Variants in LRP1B observed in about 807,000 individuals in gnomAD.
LRP1B encodes LDL receptor related protein 1B.
LRP1B carries 217 observed loss-of-function variants against 556.6 expected under a neutral mutation model. The ratio of observed to expected loss-of-function variants is 0.39; its 90% confidence interval spans 0.35 to 0.44. LRP1B has a LOEUF of 0.44. Ranked by LOEUF, LRP1B falls within the 20% of genes least tolerant of loss-of-function variation. LRP1B has a pLI of 1.00. For missense variants in LRP1B, 5,053 were observed against 5,620.8 expected, an observed-to-expected ratio of 0.90 and a Z score of 3.23; for synonymous variants, 2,047 against 1,865.8, an observed-to-expected ratio of 1.10 and a Z score of -2.50.
At chr2:141,444,133 A>T (rs1011332809) in intron 3 of LRP1B, among the ~76,000 whole-genome samples, 2 of 152,136 alleles carry the variant, frequency 1.3e-5, no homozygotes, top group African/African-American at 2.4e-5. Context: ...TTTTCCTTGA[A>T]GAAGTCCTTC....
intron 78 of LRP1B, among the ~76,000 whole-genome samples, 176 bp downstream of exon 78, chr2:140,335,436 TATC>T (rs756770608): frequency 9.9e-5 from 15 of 152,064 alleles, no homozygotes; most frequent in Non-Finnish European, 1.9e-4. Context: ...AAAAAATTTG[TATC>T]ATCATTTGGT....
chr2:141,695,067 T>G lies in LRP1B; in HGVS notation c.205+115212A>C, dbSNP rs115038044. 1.1e-3 allele frequency among the ~76,000 whole-genome samples: 165 copies of G among 152,188 alleles called. 1 individual carries two copies. The highest frequency in any genetic ancestry group is 3.9e-3 in the African/African-American group (161 of 41,562). Reference sequence around the variant, plus strand: ...CAGCATTGCCACATTGTGGAATGATTGTTCACATTGAACTTTTTAATTTGC... The same window carrying G: ...CAGCATTGCCACATTGTGGAATGATGGTTCACATTGAACTTTTTAATTTGC... On this transcript the variant is annotated intron_variant, in intron 2 of 90. Coordinates refer to ENST00000389484, the MANE Select transcript of LRP1B (RefSeq NM_018557.3).
intron 1 of LRP1B, among the ~76,000 whole-genome samples, chr2:141,869,921 T>C (rs894852528): frequency 6.6e-6 from 1 of 152,066 alleles, no homozygotes; most frequent in Non-Finnish European, 1.5e-5. Context: ...TAAATTTTAA[T>C]GAAAAAATGA....
chr2:140,623,833 C>T (rs1010657057), intron 41 of LRP1B, among the ~76,000 whole-genome samples: 3 of 151,612 alleles, frequency 2.0e-5, no homozygotes, highest in East Asian at 1.9e-4. Context: ...GCAGGAGAAT[C>T]GCTTGAGCCT....
intron 2 of LRP1B, among the ~76,000 whole-genome samples, chr2:141,576,747 C>T (rs1458685297): frequency 2.5e-5 from 3 of 117,994 alleles, no homozygotes; most frequent in East Asian, 2.2e-4. Context: ...GAGTGAGCCC[C>T]TGTCTCAAAA....
intron 7 of LRP1B, among the ~76,000 whole-genome samples, chr2:141,122,848 C>G (rs1701096785): frequency 6.6e-6 from 1 of 152,116 alleles, no homozygotes; most frequent in Non-Finnish European, 1.5e-5. Flanking sequence ...TTGGAACCAA[C>G]CCAAATGTCC....
At chr2:140,485,855 A>G (rs1182615262) in intron 58 of LRP1B, among the ~76,000 whole-genome samples, 7 of 145,808 alleles carry the variant, frequency 4.8e-5, no homozygotes, top group African/African-American at 1.8e-4. Context: ...ATACACACAC[A>G]CACACACACA....
chr2:140,757,732 T>C (rs189916425), intron 35 of LRP1B, among the ~76,000 whole-genome samples: 5 of 152,156 alleles, frequency 3.3e-5, no homozygotes, highest in Admixed American at 6.5e-5. Context: ...AGTACAAAAA[T>C]TAGCAGGGCA....
intron 14 of LRP1B, among the ~76,000 whole-genome samples, chr2:141,012,139 C>T (rs1486115156): frequency 1.3e-5 from 2 of 151,978 alleles, no homozygotes; most frequent in Non-Finnish European, 2.9e-5. Flanking sequence ...GATCTAAGCC[C>T]GGGGCATTTT....
At chr2:141,062,478 C>G (rs1699362386) in intron 7 of LRP1B, among the ~76,000 whole-genome samples, 1 of 151,748 alleles carries the variant, frequency 6.6e-6, no homozygotes, top group Non-Finnish European at 1.5e-5. Flanking sequence ...AGCAGGTTAA[C>G]CAACAACTGT....
At chr2:141,412,333 C>G (rs1690882560) in intron 3 of LRP1B, among the ~76,000 whole-genome samples, 1 of 152,174 alleles carries the variant, frequency 6.6e-6, no homozygotes, top group Non-Finnish European at 1.5e-5. Flanking sequence ...AGAATTCATA[C>G]AAATGAGCTC....
chr2:141,199,342 T>G (rs1039318332), intron 6 of LRP1B, among the ~76,000 whole-genome samples: 1 of 152,132 alleles, frequency 6.6e-6, no homozygotes, highest in African/African-American at 2.4e-5. Flanking sequence ...TCAGTGGGCT[T>G]TTATTTGTGT....
intron 2 of LRP1B, among the ~76,000 whole-genome samples, chr2:141,638,918 C>A (rs368752223): frequency 2.5e-5 from 1 of 39,258 alleles, no homozygotes; most frequent in African/African-American, 8.7e-5. Context: ...TGTGTGTATA[C>A]ATACACACAT....
At chr2:141,755,070 G>T (rs1341075144) in intron 2 of LRP1B, among the ~76,000 whole-genome samples, 1 of 152,052 alleles carries the variant, frequency 6.6e-6, no homozygotes, top group Non-Finnish European at 1.5e-5. Flanking sequence ...TGCAATGGTT[G>T]CAATAGGATC....
intron 7 of LRP1B, among the ~76,000 whole-genome samples, chr2:141,079,849 C>T (rs1325391772): frequency 6.6e-6 from 1 of 152,082 alleles, no homozygotes; most frequent in Admixed American, 6.5e-5. Flanking sequence ...GAAAGTAAAT[C>T]GTTTTGAATC....
intron 2 of LRP1B, among the ~76,000 whole-genome samples, chr2:141,481,347 C>G (rs1559096232): frequency 6.6e-6 from 1 of 152,094 alleles, no homozygotes; most frequent in African/African-American, 2.4e-5. Flanking sequence ...CTTCTATAAG[C>G]ACTTTCCAAA....
chr2:140,678,051 T>TA (rs1284749430), intron 41 of LRP1B, among the ~76,000 whole-genome samples: 1 of 152,082 alleles, frequency 6.6e-6, no homozygotes, highest in African/African-American at 2.4e-5. Context: ...GCACAAATAG[T>TA]AAAAAGCAGA....
chr2:140,855,300 A>G (rs1692580765), intron 27 of LRP1B, among the ~76,000 whole-genome samples: 1 of 123,944 alleles, frequency 8.1e-6, no homozygotes, highest in Admixed American at 9.5e-5. Flanking sequence ...AATCTTTGAT[A>G]TCTAGTATCC....
intron 66 of LRP1B, among the ~76,000 whole-genome samples, chr2:140,402,483 G>A (rs893419674): frequency 7.2e-5 from 11 of 152,276 alleles, no homozygotes; most frequent in South Asian, 4.1e-4. Flanking sequence ...GAGGAGCACC[G>A]CACAGATTCA....
Sources: allele counts gnomAD v4.1 joint callset (sites outside exome capture counted in the v4.1 genomes callset), GRCh38; gene constraint gnomAD v4.1.1; transcripts MANE v1.5; gene names NCBI Gene and HGNC (gene_info 2026-07-23, HGNC 2026-07-21).